PIWIL1: variants seen among roughly 807,000 people sequenced by gnomAD.
PIWIL1 encodes the protein piwi like RNA-mediated gene silencing 1.
Under a neutral mutation model 114.4 loss-of-function variants are expected in PIWIL1, and 73 were observed. The ratio of observed to expected loss-of-function variants is 0.64; its 90% confidence interval spans 0.53 to 0.78. The LOEUF (loss-of-function observed/expected upper bound fraction) is 0.78, where lower values mean the gene tolerates loss of function less well. Among genes scored for constraint, PIWIL1 ranks in the 30% least tolerant of loss-of-function variants. The pLI is 0.00. For synonymous variants in PIWIL1, 375 were observed against 369.0 expected, an observed-to-expected ratio of 1.02 and a Z score of -0.19; for missense variants, 723 against 1,063.1, an observed-to-expected ratio of 0.68 and a Z score of 4.45.
the PIWIL1 span, among the ~76,000 whole-genome samples, chr12:130,392,654 T>G: frequency 3.5e-5 from 3 of 85,190 alleles, no homozygotes; most frequent in Admixed American, 2.5e-4. Flanking sequence ...AATGTTGTGA[T>G]GACCCGGTCA....
At chr12:130,407,305 C>G in the PIWIL1 span, among the ~76,000 whole-genome samples, 1 of 152,172 alleles carries the variant, frequency 6.6e-6, no homozygotes, top group Non-Finnish European at 1.5e-5. Context: ...CAAGCTGTGC[C>G]AGGCGACACA....
chr12:130,397,589 G>A, the PIWIL1 span: 13 of 398,388 alleles, frequency 3.3e-5, no homozygotes, highest in African/African-American at 1.0e-4. Context: ...GTGTGTGAGC[G>A]CCAACAACAG....
At chr12:130,390,120 G>A in the PIWIL1 span, among the ~76,000 whole-genome samples, 2 of 152,172 alleles carry the variant, frequency 1.3e-5, no homozygotes, top group Non-Finnish European at 2.9e-5. Flanking sequence ...AATCAGCACT[G>A]TGATTAGTAT....
chr12:130,351,703 C>G (rs563717748), intron 9 of PIWIL1: 1 of 152,336 alleles, frequency 6.6e-6, no homozygotes, highest in East Asian at 1.9e-4. Context: ...TCCCCTGCCT[C>G]CTAGTACTCT....
chr12:130,402,653 G>A, the PIWIL1 span, among the ~76,000 whole-genome samples: 1 of 152,124 alleles, frequency 6.6e-6, no homozygotes, highest in African/African-American at 2.4e-5. Context: ...CTCTATTTGC[G>A]GCCAAACAGT....
At chr12:130,340,628 TGGTTGGGGGAGGGG>T in intron 1 of PIWIL1, among the ~76,000 whole-genome samples, 2 of 4,316 alleles carry the variant, frequency 4.6e-4, no homozygotes, top group Non-Finnish European at 8.3e-4. Flanking sequence ...TTGGTGGTGG[TGGTTGGGGGAGGGG>T]GGGTGGGGGG....
chr12:130,407,435 G>A, the PIWIL1 span, among the ~76,000 whole-genome samples: 2 of 152,186 alleles, frequency 1.3e-5, 1 homozygote. Flanking sequence ...GCCCTCAGGT[G>A]GCATCACCAT....
chr12:130,342,748 A>C (rs977420023), intron 2 of PIWIL1, 79 bp downstream of exon 2: 2 of 1,117,258 alleles, frequency 1.8e-6, no homozygotes, highest in Non-Finnish European at 2.7e-6. Flanking sequence ...TAAACTAAAA[A>C]CTGTGCTGGG....
At position 130,349,894 on chromosome 12, in the gene PIWIL1, G is replaced by A. The variant is rs764821316; in HGVS notation, c.971G>A (p.Trp324Ter). The change falls in exon 9 of 21, where the codon TGG becomes TAG. Residue 324 changes from tryptophan (W) to a stop codon, truncating the protein, a stop_gained. Transcript: ENST00000245255. LOFTEE classifies it high-confidence loss of function. Reference sequence around the variant, plus strand: ...ACATACAGAGTGGATGATATTGACTGGGACCAGAATCCCAAGAGCACCTTT... The same window carrying A: ...ACATACAGAGTGGATGATATTGACTAGGACCAGAATCCCAAGAGCACCTTT... The part of the protein sequence containing the change: ...NKTYRVDDID[W>*]DQNPKSTFKK... The A allele has an allele frequency of 6.2e-7, 1 of 1,612,760 alleles. No homozygotes were observed. Among genetic ancestry groups the A allele is most frequent in the East Asian group, 2.2e-5 (1 of 44,860 alleles).
chr12:130,380,596 C>T, the PIWIL1 span, among the ~76,000 whole-genome samples: 1 of 152,220 alleles, frequency 6.6e-6, no homozygotes, highest in African/African-American at 2.4e-5. Context: ...AGGATGACAC[C>T]GTATTTGTCT....
At chr12:130,347,701 T>G (rs1337693810) in intron 6 of PIWIL1, among the ~76,000 whole-genome samples, 1 of 152,108 alleles carries the variant, frequency 6.6e-6, no homozygotes, top group Non-Finnish European at 1.5e-5. Flanking sequence ...AAACGAGGGG[T>G]TGGCAAACTT....
Position 130,361,612 on chromosome 12 carries a change from C to A in PIWIL1, c.1970+11C>A, listed in dbSNP as rs369043486. The A allele has an allele frequency of 1.9e-6, 3 of 1,605,588 alleles. No individual in the cohort carries two copies. Among genetic ancestry groups the A allele is most frequent in the Non-Finnish European group, 2.6e-6 (3 of 1,172,290 alleles). Reference sequence around the variant, plus strand: ...TGAAGGGATGACCCGGTGAGTGAGACTGGGCTACTGTGGGTGGCAGTGAGG... The same window carrying A: ...TGAAGGGATGACCCGGTGAGTGAGAATGGGCTACTGTGGGTGGCAGTGAGG... On this transcript the variant is annotated intron_variant, in intron 16 of 20. Coordinates refer to ENST00000245255, the MANE Select transcript of PIWIL1 (RefSeq NM_004764.5).
At chr12:130,357,188 G>A (rs1043954439) in intron 13 of PIWIL1, 83 bp downstream of exon 13, 14 of 1,111,808 alleles carry the variant, frequency 1.3e-5, no homozygotes, top group Admixed American at 4.7e-5. Context: ...TACAAACTAC[G>A]TTATCTTAAT....
chr12:130,405,671 AGGGGTGGGGGC>A, the PIWIL1 span, among the ~76,000 whole-genome samples: 1 of 103,736 alleles, frequency 9.6e-6, no homozygotes, highest in Non-Finnish European at 2.0e-5. Flanking sequence ...ACCAGCAGCA[AGGGGTGGGGGC>A]GGGGTGGGGG....
chr12:130,414,398 G>T, the PIWIL1 span: 1 of 1,298,500 alleles, frequency 7.7e-7, no homozygotes, highest in South Asian at 1.5e-5. Context: ...AGTGAGGATG[G>T]CAGCGGTTCC....
chr12:130,390,196 G>A, the PIWIL1 span, among the ~76,000 whole-genome samples: 3 of 152,116 alleles, frequency 2.0e-5, no homozygotes, highest in African/African-American at 7.2e-5. Flanking sequence ...AGATAGAATA[G>A]GTATTTTAAT....
At chr12:130,404,272 T>G in the PIWIL1 span, among the ~76,000 whole-genome samples, 1 of 152,174 alleles carries the variant, frequency 6.6e-6, no homozygotes, top group Non-Finnish European at 1.5e-5. Context: ...GGAAAAATCA[T>G]TCACAATCAT....
intron 16 of PIWIL1, 61 bp downstream of exon 16, chr12:130,361,662 C>G (rs531146647): frequency 3.1e-6 from 4 of 1,277,594 alleles, no homozygotes; most frequent in Admixed American, 3.5e-5. Flanking sequence ...TCTGGAGGTT[C>G]AGGAGTAGTG....
At chr12:130,338,874 G>GGGTGCGGGGGCGAGGTCCCA (rs2072806884) in intron 1 of PIWIL1, among the ~76,000 whole-genome samples, 1 of 145,812 alleles carries the variant, frequency 6.9e-6, no homozygotes, top group African/African-American at 2.5e-5. Flanking sequence ...GCAGGGGCCG[G>GGGTGCGGGGGCGAGGTCCCA]GGTGCGGGGG....
Sources: gnomAD v4.1 joint callset for allele counts (sites outside exome capture counted in the v4.1 genomes callset) on GRCh38, gnomAD v4.1.1 for gene constraint, MANE v1.5 for transcripts, NCBI Gene and HGNC (gene_info 2026-07-23, HGNC 2026-07-21) for gene names.